The following XXYLT1 variants were observed in gnomAD, a reference collection of about 807,000 sequenced individuals.
XXYLT1 encodes xyloside xylosyltransferase 1.
In XXYLT1, 20 loss-of-function variants were observed where a neutral mutation model predicts 28.9. The observed-to-expected ratio is 0.69, with a 90% CI of 0.49 to 1.00. XXYLT1 has a LOEUF of 1.00. Among genes scored for constraint, XXYLT1 ranks in the 50% least tolerant of loss-of-function variants. The pLI is 0.00. For missense variants in XXYLT1, 542 were observed against 560.1 expected, an observed-to-expected ratio of 0.97 and a Z score of 0.33; for synonymous variants, 257 against 253.8, an observed-to-expected ratio of 1.01 and a Z score of -0.12.
At chr3:195,245,862 G>A (rs1725001393) in intron 1 of XXYLT1, among the ~76,000 whole-genome samples, 1 of 152,172 alleles carries the variant, frequency 6.6e-6, no homozygotes, top group African/African-American at 2.4e-5. Flanking sequence ...TGATGTGCCT[G>A]CTTCCCCATC....
At chr3:195,136,835 A>AATAG (rs1719226475) in intron 3 of XXYLT1, among the ~76,000 whole-genome samples, 2 of 152,100 alleles carry the variant, frequency 1.3e-5, no homozygotes, top group Admixed American at 6.6e-5. Context: ...TAAATAAATA[A>AATAG]AAACAAGCAG....
chr3:195,178,598 G>A (rs184966794), intron 2 of XXYLT1, among the ~76,000 whole-genome samples: 51 of 152,282 alleles, frequency 3.3e-4, no homozygotes, highest in Non-Finnish European at 3.5e-4. Context: ...CTGGTTTCAC[G>A]CAGGGAGCTG....
At chr3:195,250,634 A>G (rs948676357) in intron 1 of XXYLT1, among the ~76,000 whole-genome samples, 5 of 152,024 alleles carry the variant, frequency 3.3e-5, no homozygotes, top group Admixed American at 2.0e-4. Flanking sequence ...CACACGGTAT[A>G]ATGTACTCAC....
At chr3:195,250,629 G>A (rs759688591) in intron 1 of XXYLT1, among the ~76,000 whole-genome samples, 27 of 151,402 alleles carry the variant, frequency 1.8e-4, no homozygotes, top group East Asian at 7.8e-4. Flanking sequence ...GCTGACACAC[G>A]GTATAATGTA....
intron 1 of XXYLT1, among the ~76,000 whole-genome samples, chr3:195,264,417 G>A (rs897852549): frequency 3.3e-5 from 5 of 152,212 alleles, no homozygotes; most frequent in Non-Finnish European, 7.3e-5. Flanking sequence ...AGAGGGCTGT[G>A]GCTCCCTCAC....
chr3:195,152,407 G>A, intron 3 of XXYLT1: 1 of 152,564 alleles, frequency 6.6e-6, no homozygotes, highest in South Asian at 2.1e-4. Flanking sequence ...ATTTCCAGAT[G>A]GGGAAGGTCA....
intron 2 of XXYLT1, among the ~76,000 whole-genome samples, chr3:195,169,473 G>A (rs1001618765): frequency 2.6e-5 from 4 of 152,204 alleles, no homozygotes; most frequent in Non-Finnish European, 5.9e-5. Flanking sequence ...CTTAGGGGTC[G>A]GCTTTGGAGA....
intron 2 of XXYLT1, chr3:195,214,656 C>T (rs1314637511): frequency 1.3e-5 from 2 of 152,168 alleles, no homozygotes; most frequent in Non-Finnish European, 1.5e-5. Context: ...GGGCAGAGAA[C>T]AGGCTGCCCT....
At chr3:195,139,918 T>TA (rs1209688575) in intron 3 of XXYLT1, among the ~76,000 whole-genome samples, 1 of 152,144 alleles carries the variant, frequency 6.6e-6, no homozygotes, top group Non-Finnish European at 1.5e-5. Context: ...GTGGCAGACA[T>TA]AATACAAGCC....
At chr3:195,138,895 A>AAAGT (rs1280545904) in intron 3 of XXYLT1, among the ~76,000 whole-genome samples, 25 of 151,788 alleles carry the variant, frequency 1.6e-4, no homozygotes, top group African/African-American at 6.0e-4. Context: ...AGAAAGAAAG[A>AAAGT]AAAATGGGCT....
At chr3:195,082,881 A>AC (rs969008662) in intron 3 of XXYLT1, among the ~76,000 whole-genome samples, 4 of 151,284 alleles carry the variant, frequency 2.6e-5, no homozygotes, top group African/African-American at 4.9e-5. Flanking sequence ...GCCATAAGGC[A>AC]CCCCCCCTGC....
intron 2 of XXYLT1, among the ~76,000 whole-genome samples, chr3:195,213,980 A>G (rs1027536496): frequency 1.3e-5 from 2 of 152,166 alleles, no homozygotes; most frequent in Non-Finnish European, 2.9e-5. Context: ...AAACATTAGG[A>G]GCCATCGCAG....
intron 2 of XXYLT1, among the ~76,000 whole-genome samples, chr3:195,171,488 C>T (rs554828422): frequency 2.3e-4 from 35 of 152,320 alleles, no homozygotes; most frequent in African/African-American, 7.9e-4. Flanking sequence ...ATTTCCTACA[C>T]GCCTGCATGA....
intron 3 of XXYLT1, among the ~76,000 whole-genome samples, chr3:195,147,521 G>T (rs1031366239): frequency 3.3e-5 from 5 of 152,108 alleles, no homozygotes; most frequent in African/African-American, 9.7e-5. Context: ...AGTGAGCCAA[G>T]ATCACACCAC....
At chr3:195,152,030 A>G in intron 3 of XXYLT1, among the ~76,000 whole-genome samples, 1 of 152,306 alleles carries the variant, frequency 6.6e-6, no homozygotes, top group South Asian at 2.1e-4. Flanking sequence ...CAAACAACAG[A>G]GGGTCAGAGA....
intron 3 of XXYLT1, among the ~76,000 whole-genome samples, chr3:195,132,219 G>T (rs148396005): frequency 4.6e-5 from 7 of 152,354 alleles, no homozygotes; most frequent in Non-Finnish European, 2.9e-5. Flanking sequence ...CTAAAATGGG[G>T]ATAGAAATAG....
At chr3:195,144,658 G>A (rs569433338) in intron 3 of XXYLT1, among the ~76,000 whole-genome samples, 2 of 152,172 alleles carry the variant, frequency 1.3e-5, no homozygotes, top group Non-Finnish European at 2.9e-5. Context: ...TTACAGGTGT[G>A]AGCCACTGTG....
intron 3 of XXYLT1, among the ~76,000 whole-genome samples, chr3:195,110,622 G>A (rs1298436329): frequency 1.2e-4 from 2 of 17,046 alleles, no homozygotes; most frequent in African/African-American, 4.4e-4. Context: ...TGTGTGTGGT[G>A]TGTGTGTGGT....
At chr3:195,157,962 T>A (rs1440314199) in intron 2 of XXYLT1, among the ~76,000 whole-genome samples, 1 of 152,118 alleles carries the variant, frequency 6.6e-6, no homozygotes, top group African/African-American at 2.4e-5. Context: ...TTATGGACAG[T>A]GTTACAGGGA....
Sources: gnomAD v4.1 joint callset for allele counts (sites outside exome capture counted in the v4.1 genomes callset) on GRCh38, gnomAD v4.1.1 for gene constraint, MANE v1.5 for transcripts, NCBI Gene and HGNC (gene_info 2026-07-23, HGNC 2026-07-21) for gene names.